Variants in SLC24A3 observed in about 807,000 individuals in gnomAD.
The protein encoded by SLC24A3 is solute carrier family 24 member 3.
SLC24A3 carries 28 observed loss-of-function variants against 75.8 expected under a neutral mutation model. The ratio of observed to expected loss-of-function variants is 0.37; its 90% CI spans 0.27 to 0.51. The LOEUF (loss-of-function observed/expected upper bound fraction) is 0.51, where lower values mean the gene tolerates loss of function less well. Ranked by LOEUF, SLC24A3 falls within the 20% of genes least tolerant of loss-of-function variation. The probability of loss-of-function intolerance (pLI) is 0.94; values close to 1 mark genes in which losing one functional copy is unlikely to be tolerated. For missense variants in SLC24A3, 663 were observed against 847.8 expected (o/e 0.78, Z 2.71); for synonymous variants, 372 against 334.1 (o/e 1.11, Z -1.24).
intron 2 of SLC24A3, among the ~76,000 whole-genome samples, chr20:19,342,891 A>C (rs1366329927): frequency 6.6e-6 from 1 of 152,020 alleles, no homozygotes; most frequent in Admixed American, 6.6e-5. Flanking sequence ...TAACATGGTG[A>C]AACCCCGTCT....
chr20:19,592,258 T>C (rs574921460), intron 6 of SLC24A3, among the ~76,000 whole-genome samples: 2 of 152,232 alleles, frequency 1.3e-5, no homozygotes, highest in Non-Finnish European at 2.9e-5. Context: ...TCTTCTTTGG[T>C]GAAAAATCTG....
intron 6 of SLC24A3, among the ~76,000 whole-genome samples, chr20:19,601,304 A>G (rs528351553): frequency 1.3e-5 from 2 of 151,998 alleles, no homozygotes; most frequent in Non-Finnish European, 2.9e-5. Flanking sequence ...CTCCAGGTCT[A>G]TTTTCAGCCT....
intron 6 of SLC24A3, among the ~76,000 whole-genome samples, chr20:19,618,168 C>T (rs1182481674): frequency 6.6e-6 from 1 of 152,150 alleles, no homozygotes; most frequent in Non-Finnish European, 1.5e-5. Context: ...CTTTCCAGCC[C>T]CAGCAGTGGG....
chr20:19,665,954 A>C, intron 8 of SLC24A3, 65 bp downstream of exon 8: 1 of 1,536,480 alleles, frequency 6.5e-7, no homozygotes, highest in Non-Finnish European at 8.9e-7. Context: ...TATATTGAAG[A>C]CCAGTGTTGG....
At chr20:19,318,381 C>A (rs1424090525) in intron 2 of SLC24A3, among the ~76,000 whole-genome samples, 1 of 152,140 alleles carries the variant, frequency 6.6e-6, no homozygotes, top group Non-Finnish European at 1.5e-5. Context: ...AAGTAATTAG[C>A]CATGATGAGG....
chr20:19,405,596 A>G (rs1207498446), intron 2 of SLC24A3, among the ~76,000 whole-genome samples: 1 of 152,226 alleles, frequency 6.6e-6, no homozygotes, highest in East Asian at 1.9e-4. Flanking sequence ...AATTTCAGCC[A>G]CATCTATCTT....
intron 1 of SLC24A3, among the ~76,000 whole-genome samples, chr20:19,263,296 C>G (rs145725253): frequency 2.2e-4 from 34 of 152,212 alleles, no homozygotes; most frequent in Non-Finnish European, 4.7e-4. Context: ...AAAGAGCAAA[C>G]TGTGAAGAAT....
chr20:19,402,291 G>C (rs934595716), intron 2 of SLC24A3, among the ~76,000 whole-genome samples: 1 of 152,166 alleles, frequency 6.6e-6, no homozygotes, highest in Admixed American at 6.5e-5. Flanking sequence ...AAGCAGATTT[G>C]CTTAGATTTT....
chr20:19,283,647 C>T (rs778427770), intron 2 of SLC24A3, among the ~76,000 whole-genome samples: 11 of 152,174 alleles, frequency 7.2e-5, no homozygotes, highest in African/African-American at 1.2e-4. Context: ...ATCTCTACCC[C>T]GGGTCTTAGA....
At chr20:19,439,063 C>T (rs1987256200) in intron 2 of SLC24A3, among the ~76,000 whole-genome samples, 1 of 152,342 alleles carries the variant, frequency 6.6e-6, no homozygotes, top group East Asian at 1.9e-4. Context: ...AGGCTGATTG[C>T]CTCCAGGTTG....
chr20:19,499,936 G>C (rs1424810488), intron 2 of SLC24A3, among the ~76,000 whole-genome samples: 1 of 152,104 alleles, frequency 6.6e-6, no homozygotes, highest in African/African-American at 2.4e-5. Flanking sequence ...GTGTGTGCTG[G>C]AAGTTAGCTT....
At chr20:19,426,090 AG>A (rs1259369534) in intron 2 of SLC24A3, among the ~76,000 whole-genome samples, 1 of 152,216 alleles carries the variant, frequency 6.6e-6, no homozygotes, top group East Asian at 1.9e-4. Flanking sequence ...TCAAGTGGAA[AG>A]TGCTTAGAAA....
At chr20:19,648,779 A>C (rs2032167164) in intron 6 of SLC24A3, among the ~76,000 whole-genome samples, 1 of 152,236 alleles carries the variant, frequency 6.6e-6, no homozygotes, top group Admixed American at 6.5e-5. Context: ...TGCCACTCTG[A>C]AACTAAATGA....
At chr20:19,704,482 T>C (rs1431687265) in intron 15 of SLC24A3, among the ~76,000 whole-genome samples, 1 of 152,182 alleles carries the variant, frequency 6.6e-6, no homozygotes, top group Non-Finnish European at 1.5e-5. Flanking sequence ...GTGAACAAGG[T>C]AGACAAGACC....
chr20:19,530,712 C>A (rs557801745), intron 3 of SLC24A3, among the ~76,000 whole-genome samples: 1 of 152,316 alleles, frequency 6.6e-6, no homozygotes, highest in South Asian at 2.1e-4. Flanking sequence ...TCAGATTCCC[C>A]AGAATGCAAC....
chr20:19,640,825 G>A (rs1393787317), intron 6 of SLC24A3, among the ~76,000 whole-genome samples: 1 of 152,128 alleles, frequency 6.6e-6, no homozygotes, highest in Non-Finnish European at 1.5e-5. Flanking sequence ...GTTAAAATCA[G>A]ATAGAAATAG....
intron 3 of SLC24A3, among the ~76,000 whole-genome samples, chr20:19,547,091 C>T (rs1287909600): frequency 6.6e-6 from 1 of 152,224 alleles, no homozygotes; most frequent in Non-Finnish European, 1.5e-5. Context: ...CCTGTGGTAG[C>T]TATTATCACA....
chr20:19,360,828 A>T (rs962326216), intron 2 of SLC24A3, among the ~76,000 whole-genome samples: 43 of 145,000 alleles, frequency 3.0e-4, no homozygotes, highest in East Asian at 1.0e-3. Flanking sequence ...GCATGCAGAA[A>T]TTTTTTTTTT....
intron 3 of SLC24A3, among the ~76,000 whole-genome samples, chr20:19,562,199 T>C (rs1232470732): frequency 1.3e-5 from 2 of 152,198 alleles, no homozygotes; most frequent in Admixed American, 1.3e-4. Context: ...TAGTCATGGC[T>C]CCTAAACATT....
Sources: gnomAD v4.1 joint callset for allele counts (sites outside exome capture counted in the v4.1 genomes callset) on GRCh38, gnomAD v4.1.1 for gene constraint, MANE v1.5 for transcripts, NCBI Gene and HGNC (gene_info 2026-07-23, HGNC 2026-07-21) for gene names.